The following CSMD3 variants were observed in gnomAD, a reference collection of about 807,000 sequenced individuals.
The protein encoded by CSMD3 is CUB and Sushi multiple domains 3.
In CSMD3, 177 loss-of-function variants were observed where a neutral mutation model predicts 435.2. The observed-to-expected ratio is 0.41, with a 90% confidence interval of 0.36 to 0.46. The LOEUF (loss-of-function observed/expected upper bound fraction) is 0.46. CSMD3 is among the 20% of genes least tolerant of loss of function. The pLI is 0.34. For synonymous variants in CSMD3, 1,656 were observed against 1,520.5 expected (o/e 1.09, Z -2.07); for missense variants, 4,265 against 4,504.6 (o/e 0.95, Z 1.52).
In CSMD3 at chr8:112,558,622, G is replaced by A. The variant is rs1828341355; in HGVS notation, c.4043-1668C>T. 2.0e-5 allele frequency among the ~76,000 whole-genome samples: 3 copies of A among 151,846 alleles called. No individual in the cohort carries two copies. In the South Asian group the frequency reaches 6.2e-4, roughly 32 times the overall value. On this transcript the variant is annotated intron_variant, in intron 24 of 70. Coordinates refer to ENST00000297405, the MANE Select transcript of CSMD3 (RefSeq NM_198123.2). ...TCAGCATGACACATATGAGGGTGAC[G>A]AAAGGTATCACATCTTTCTATCCCT...
At chr8:113,391,042 G>T (rs748501325) in intron 1 of CSMD3, among the ~76,000 whole-genome samples, 2 of 151,940 alleles carry the variant, frequency 1.3e-5, no homozygotes, top group Non-Finnish European at 2.9e-5. Flanking sequence ...AGGCACTGGA[G>T]AAATAGAAAC....
In CSMD3 at chr8:112,848,274, A is replaced by C. The variant is rs544262249; in HGVS notation, c.1755+10871T>G. On this transcript the variant is annotated intron_variant, in intron 11 of 70. Transcript: ENST00000297405. ...TAATATACAGGCACAAATATGATTT[A>C]ATATAAATGTAGTTAGCATTTATTT... 4.6e-5 allele frequency among the ~76,000 whole-genome samples: 7 copies of C among 152,312 alleles called. No homozygotes were observed. The South Asian group carries it at 1.4e-3, about 32-fold the overall frequency.
chr8:112,295,459 C>A (rs1475632531), intron 54 of CSMD3, among the ~76,000 whole-genome samples: 1 of 151,968 alleles, frequency 6.6e-6, no homozygotes, highest in Non-Finnish European at 1.5e-5. Context: ...CTATAAAAAG[C>A]TCTGTAATAT....
At chr8:113,268,812 G>C (rs910151946) in intron 3 of CSMD3, among the ~76,000 whole-genome samples, 6 of 152,030 alleles carry the variant, frequency 3.9e-5, no homozygotes, top group Non-Finnish European at 7.4e-5. Context: ...TGGAAAAAAT[G>C]TGGCATATGC....
intron 22 of CSMD3, among the ~76,000 whole-genome samples, chr8:112,603,473 A>G (rs1474248390): frequency 6.6e-6 from 1 of 152,214 alleles, no homozygotes; most frequent in Non-Finnish European, 1.5e-5. Flanking sequence ...TTACTCTAGT[A>G]CAGTATGTAC....
chr8:113,160,908 C>T (rs2131832648), intron 4 of CSMD3, among the ~76,000 whole-genome samples: 1 of 152,102 alleles, frequency 6.6e-6, no homozygotes, highest in South Asian at 2.1e-4. Flanking sequence ...GTGCTATATT[C>T]AAGGGGACGG....
intron 1 of CSMD3, among the ~76,000 whole-genome samples, chr8:113,345,473 T>C (rs2094145720): frequency 6.6e-6 from 1 of 152,134 alleles, no homozygotes; most frequent in Non-Finnish European, 1.5e-5. Context: ...AGGCTTGTTA[T>C]TAAACTCCAA....
chr8:112,454,271 C>T (rs1816593158), intron 32 of CSMD3, among the ~76,000 whole-genome samples: 1 of 152,112 alleles, frequency 6.6e-6, no homozygotes, highest in Admixed American at 6.6e-5. Context: ...AACTAAAGAG[C>T]TTCTGCACAG....
chr8:112,620,363 T>C (rs1833973558), intron 22 of CSMD3, among the ~76,000 whole-genome samples: 2 of 152,204 alleles, frequency 1.3e-5, no homozygotes, highest in South Asian at 2.1e-4. Context: ...ATTTTGAAAA[T>C]AGACATATTA....
At chr8:112,628,817 G>A (rs1011079979) in intron 22 of CSMD3, among the ~76,000 whole-genome samples, 19 of 152,154 alleles carry the variant, frequency 1.2e-4, no homozygotes, top group African/African-American at 3.9e-4. Context: ...GTCAAGGGGA[G>A]CTTACCAGAA....
chr8:112,551,864 T>C (rs1240604705), intron 26 of CSMD3, among the ~76,000 whole-genome samples: 1 of 152,102 alleles, frequency 6.6e-6, no homozygotes, highest in Non-Finnish European at 1.5e-5. Flanking sequence ...AAAGTTATTG[T>C]TTGTTATTGA....
intron 1 of CSMD3, chr8:113,376,619 A>T: frequency 1.8e-6 from 2 of 1,127,844 alleles, no homozygotes; most frequent in Non-Finnish European, 2.6e-6. Context: ...TCATCAAAAG[A>T]AAGTTTACCA....
chr8:113,189,354 T>C (rs1315066549), intron 3 of CSMD3, among the ~76,000 whole-genome samples: 3 of 151,708 alleles, frequency 2.0e-5, no homozygotes, highest in African/African-American at 4.8e-5. Context: ...CTGCAGACAA[T>C]TTTTCCTGAT....
At chr8:113,229,862 T>C (rs1415717922) in intron 3 of CSMD3, among the ~76,000 whole-genome samples, 3 of 151,592 alleles carry the variant, frequency 2.0e-5, no homozygotes, top group Admixed American at 6.6e-5. Flanking sequence ...TAGTGTCATA[T>C]AATTTGACCT....
chr8:112,954,670 A>G lies in CSMD3; in HGVS notation c.1420+14T>C. On this transcript the variant is annotated intron_variant, in intron 8 of 70. Transcript: ENST00000297405. ...CTTGCACTAGAGAAAGTAACAAAAA[A>G]GAAGTACACTCACAGATAGAAAACT... 6.5e-7 allele frequency: 1 copy of G among 1,546,152 alleles called. No individual in the cohort carries two copies. Among genetic ancestry groups the G allele is most frequent in the South Asian group, 1.1e-5 (1 of 89,426 alleles).
chr8:112,988,613 T>C (rs1052951319), intron 6 of CSMD3, among the ~76,000 whole-genome samples: 10 of 152,104 alleles, frequency 6.6e-5, no homozygotes, highest in African/African-American at 2.4e-4. Flanking sequence ...CCTTTGGGCA[T>C]GAACAAAGAT....
At position 112,506,886 on chromosome 8, in the gene CSMD3, A is replaced by C. The variant is rs1822588083; in HGVS notation, c.4757-57T>G. Reference sequence around the variant, plus strand: ...TAAACATTAATACAATTTATTAGCTATCAATATTTTTGAAATCACGTCTCT... The same window carrying C: ...TAAACATTAATACAATTTATTAGCTCTCAATATTTTTGAAATCACGTCTCT... On this transcript the variant is annotated intron_variant, in intron 28 of 70. Transcript: ENST00000297405. 25 of 1,489,018 alleles carry C rather than the reference A, an allele frequency of 1.7e-5. No individual in the cohort carries two copies. In the South Asian group the frequency reaches 2.9e-4, roughly 17 times the overall value. The allele number at this position is 1,489,018 out of a possible 1,614,324, so 92.2% of individuals were successfully genotyped here. A position where few individuals can be genotyped will look rare whatever the true frequency, so the allele number is the denominator to read the frequency against.
At chr8:112,416,610 A>G (rs1003079476) in intron 32 of CSMD3, among the ~76,000 whole-genome samples, 6 of 152,230 alleles carry the variant, frequency 3.9e-5, no homozygotes, top group Admixed American at 3.9e-4. Flanking sequence ...AGGTTCACTG[A>G]TTTAGCAATT....
chr8:112,993,199 G>A (rs1375357660), intron 6 of CSMD3, among the ~76,000 whole-genome samples: 4 of 151,760 alleles, frequency 2.6e-5, no homozygotes, highest in Non-Finnish European at 5.9e-5. Flanking sequence ...CAAGTGCTGG[G>A]AATGCTAAAA....
Sources: allele counts gnomAD v4.1 joint callset (sites outside exome capture counted in the v4.1 genomes callset), GRCh38; gene constraint gnomAD v4.1.1; transcripts MANE v1.5; gene names NCBI Gene and HGNC (gene_info 2026-07-23, HGNC 2026-07-21).